The following MTA3 variants were observed in gnomAD, a reference collection of about 807,000 sequenced individuals.
The protein encoded by MTA3 is metastasis-associated protein MTA3.
In MTA3, 34 loss-of-function variants were observed where a neutral mutation model predicts 83.5. The observed-to-expected ratio is 0.41, with a 90% CI of 0.31 to 0.54. The LOEUF is 0.54. Ranked by LOEUF, MTA3 falls within the 20% of genes least tolerant of loss-of-function variation. MTA3 has a pLI of 0.33. For synonymous variants in MTA3, 303 were observed against 252.7 expected (o/e 1.20, Z -1.89); for missense variants, 761 against 726.4 (o/e 1.05, Z -0.55).
chr2:42,708,030 G>C lies in MTA3; in HGVS notation c.1278G>C (p.Lys426Asn), dbSNP rs1312657272. The stretch of plus-strand genomic sequence containing the variant: ...TGCCCACCCAGTCAGAAGAAGAGAA[G>C]TTATCTCCTAGCCCAACTACAGAGG... ...LKMPTQSEEEKLSPSPTTEDP... is the reference protein window; with the variant it reads ...LKMPTQSEEENLSPSPTTEDP... The change falls in exon 13 of 17, where the codon AAG becomes AAC. Residue 426 changes from lysine to asparagine, a missense_variant. Lys to Asn is a moderately conservative substitution (Grantham distance 94). Coordinates refer to ENST00000405094, the MANE Select transcript of MTA3 (RefSeq NM_001330442.2). 2 of 1,611,084 alleles carry C rather than the reference G, an allele frequency of 1.2e-6. No individual in the cohort carries two copies. Among genetic ancestry groups the C allele is most frequent in the African/African-American group, 2.7e-5 (2 of 74,704 alleles).
intron 10 of MTA3, among the ~76,000 whole-genome samples, chr2:42,696,477 A>G (rs1393064247): frequency 1.3e-5 from 2 of 152,212 alleles, no homozygotes; most frequent in Non-Finnish European, 2.9e-5. Flanking sequence ...TACTTGTGTT[A>G]TGTTTGTATA....
chr2:42,590,309 T>C (rs983275350), intron 3 of MTA3, among the ~76,000 whole-genome samples: 2 of 151,990 alleles, frequency 1.3e-5, no homozygotes, highest in African/African-American at 2.4e-5. Flanking sequence ...CTCCCTGGAG[T>C]AGACGTGACT....
At chr2:42,625,464 G>A (rs571401639) in intron 4 of MTA3, among the ~76,000 whole-genome samples, 2 of 151,004 alleles carry the variant, frequency 1.3e-5, no homozygotes, top group African/African-American at 2.5e-5. Context: ...TTTGTTTTAT[G>A]GGCCGGGCAC....
chr2:42,606,741 T>G (rs894916069), intron 3 of MTA3, among the ~76,000 whole-genome samples: 4 of 150,930 alleles, frequency 2.7e-5, no homozygotes, highest in Non-Finnish European at 4.4e-5. Flanking sequence ...CTGGGAGGTG[T>G]AGGTTGTAGT....
At chr2:42,740,981 G>A (rs573419352) in intron 16 of MTA3, among the ~76,000 whole-genome samples, 50 of 152,356 alleles carry the variant, frequency 3.3e-4, no homozygotes, top group Non-Finnish European at 4.7e-4. Flanking sequence ...TCTTCTTCCA[G>A]TATAAGGCTG....
intron 8 of MTA3, among the ~76,000 whole-genome samples, chr2:42,673,013 A>C: frequency 6.6e-6 from 1 of 151,426 alleles, no homozygotes; most frequent in East Asian, 1.9e-4. Flanking sequence ...TGTCCAGCTA[A>C]TTTTTGTATT....
intron 2 of MTA3, among the ~76,000 whole-genome samples, chr2:42,578,678 G>A (rs187046259): frequency 7.0e-4 from 107 of 152,314 alleles, no homozygotes; most frequent in Middle Eastern, 3.4e-3. Context: ...CTGGGAATGG[G>A]TTTGGACGAG....
intron 4 of MTA3, among the ~76,000 whole-genome samples, chr2:42,617,435 G>A (rs1685031023): frequency 6.6e-6 from 1 of 152,224 alleles, no homozygotes; most frequent in Admixed American, 6.5e-5. Flanking sequence ...TATAAAAAAA[G>A]CAAGCAAATG....
chr2:42,720,214 A>G (rs1364048768), intron 15 of MTA3, among the ~76,000 whole-genome samples: 2 of 150,384 alleles, frequency 1.3e-5, no homozygotes, highest in Non-Finnish European at 3.0e-5. Flanking sequence ...ACGGAATCTC[A>G]CTCTTCTGTC....
At chr2:42,610,982 CTTTTTTT>C (rs773889459) in intron 4 of MTA3, among the ~76,000 whole-genome samples, 5 of 136,000 alleles carry the variant, frequency 3.7e-5, no homozygotes, top group African/African-American at 1.4e-4. Flanking sequence ...CTTTTCTTTT[CTTTTTTT>C]TTTTTTTTTT....
intron 6 of MTA3, among the ~76,000 whole-genome samples, chr2:42,648,514 A>C (rs1299878067): frequency 6.6e-6 from 1 of 152,190 alleles, no homozygotes; most frequent in Non-Finnish European, 1.5e-5. Flanking sequence ...ACATGTCTTG[A>C]TGGATAGGAT....
intron 6 of MTA3, among the ~76,000 whole-genome samples, chr2:42,646,611 T>C (rs1219316824): frequency 6.6e-6 from 1 of 152,192 alleles, no homozygotes; most frequent in Non-Finnish European, 1.5e-5. Flanking sequence ...GGATATAATA[T>C]GCAAGAAAAC....
chr2:42,644,333 C>G (rs1421331970), intron 6 of MTA3, 89 bp downstream of exon 6: 2 of 770,126 alleles, frequency 2.6e-6, no homozygotes, highest in Non-Finnish European at 4.2e-6. Flanking sequence ...AGGCAATGTT[C>G]AGGGCAAAGT....
intron 4 of MTA3, among the ~76,000 whole-genome samples, chr2:42,618,623 T>G (rs1484051364): frequency 1.3e-5 from 2 of 152,046 alleles, no homozygotes; most frequent in African/African-American, 4.8e-5. Context: ...TTTTCTATTT[T>G]TTGAAACAGA....
chr2:42,589,983 A>C (rs1225706936), intron 3 of MTA3, among the ~76,000 whole-genome samples: 1 of 152,140 alleles, frequency 6.6e-6, no homozygotes, highest in South Asian at 2.1e-4. Flanking sequence ...AGTTGTGAGA[A>C]GTGGAGATGA....
At chr2:42,715,694 G>A (rs1666979518) in intron 14 of MTA3, among the ~76,000 whole-genome samples, 1 of 152,036 alleles carries the variant, frequency 6.6e-6, no homozygotes, top group South Asian at 2.1e-4. Flanking sequence ...AGCAAATATA[G>A]TTTAAAATGA....
At position 42,755,092 on chromosome 2, in the gene MTA3, C is replaced by T; in HGVS notation, c.*1693C>T. On this transcript the variant is annotated 3_prime_UTR_variant, in exon 17 of 17. Transcript: ENST00000405094. ...GCAGGCAGGGGTTCTCCTCAGGGTT[C>T]CCACTGAGGGGTCCCTTCAGCAAAG... 3 of 985,396 alleles carry T rather than the reference C, an allele frequency of 3.0e-6. No individual in the cohort carries two copies. Among genetic ancestry groups the T allele is most frequent in the Non-Finnish European group, 3.6e-6 (3 of 829,990 alleles). 61.0% of individuals were successfully genotyped at this position (985,396 alleles called of 1,614,324 possible).
At chr2:42,733,229 G>C (rs1003893856) in intron 16 of MTA3, among the ~76,000 whole-genome samples, 1 of 152,162 alleles carries the variant, frequency 6.6e-6, no homozygotes, top group South Asian at 2.1e-4. Flanking sequence ...ATATGGCTGG[G>C]GAGGCCTCAG....
At chr2:42,745,678 A>C (rs1669353253) in intron 16 of MTA3, among the ~76,000 whole-genome samples, 1 of 151,608 alleles carries the variant, frequency 6.6e-6, no homozygotes, top group South Asian at 2.1e-4. Context: ...GAGCCACTGC[A>C]CCCAGCTGAG....
Sources: gnomAD v4.1 joint callset for allele counts (sites outside exome capture counted in the v4.1 genomes callset) on GRCh38, gnomAD v4.1.1 for gene constraint, MANE v1.5 for transcripts, NCBI Gene and HGNC (gene_info 2026-07-23, HGNC 2026-07-21) for gene names.